Variants in DAPK2 observed in about 807,000 individuals in gnomAD.
The protein encoded by DAPK2 is death associated protein kinase 2, also known as death-associated protein kinase 2.
DAPK2 carries 35 observed loss-of-function variants against 44.1 expected under a neutral mutation model. The observed-to-expected ratio is 0.79, with a 90% CI of 0.61 to 1.05. The LOEUF is 1.05. DAPK2 is among the 50% of genes least tolerant of loss of function. The probability of loss-of-function intolerance (pLI) is 0.00; values close to 1 mark genes in which losing one functional copy is unlikely to be tolerated. For synonymous variants in DAPK2, 174 were observed against 182.6 expected (o/e 0.95, Z 0.38); for missense variants, 453 against 483.2 (o/e 0.94, Z 0.59).
In DAPK2 at chr15:63,983,659, C is replaced by T. The variant is rs922516659; in HGVS notation, c.188G>A (p.Arg63Gln). 8 of 1,614,006 alleles carry T rather than the reference C, an allele frequency of 5.0e-6. No individual in the cohort carries two copies. Among genetic ancestry groups the T allele is most frequent in the African/African-American group, 2.7e-5 (2 of 75,062 alleles). ...GATCTCCTCCCGGCTCACACCGCGCCGGCTCGCCCGGCTCTGCCGCTTCTT... is the reference window on the plus strand; with the variant it reads ...GATCTCCTCCCGGCTCACACCGCGCTGGCTCGCCCGGCTCTGCCGCTTCTT... The change falls in exon 2 of 11, where the codon CGG becomes CAG. Residue 63 changes from arginine (R) to glutamine (Q), a missense_variant. Physicochemically the swap from Arg to Gln is conservative, Grantham distance 43. Coordinates refer to ENST00000261891, the Ensembl canonical transcript of DAPK2.
chr15:64,038,862 C>T (rs1316726998), intron 1 of DAPK2, among the ~76,000 whole-genome samples: 1 of 152,148 alleles, frequency 6.6e-6, no homozygotes, highest in African/African-American at 2.4e-5. Flanking sequence ...GGCAAACCTG[C>T]CTCCCATTCT....
chr15:63,956,302 T>G (rs1340271154), intron 3 of DAPK2, among the ~76,000 whole-genome samples: 1 of 152,204 alleles, frequency 6.6e-6, no homozygotes, highest in African/African-American at 2.4e-5. Flanking sequence ...ATCTCTGTTC[T>G]GATCTTTATT....
chr15:63,955,922 C>T lies in DAPK2; in HGVS notation c.453+15501G>A, dbSNP rs573477808. On this transcript the variant is annotated intron_variant, in intron 3 of 10. Transcript: ENST00000261891. ...AGAATTTAGCAGTAAAGCCATAGGG[C>T]CCCAGGCTTTTCTTTGCCAGAAAAC... Among the ~76,000 whole-genome samples the T allele has an allele frequency of 2.8e-4, 42 of 152,306 alleles. 1 individual carries two copies. The South Asian group carries it at 2.9e-3, about 11-fold the overall frequency.
At chr15:63,922,210 T>C (rs1025408587) in intron 8 of DAPK2, 6 of 879,060 alleles carry the variant, frequency 6.8e-6, no homozygotes, top group African/African-American at 1.8e-5. Context: ...AGTGAGGTCA[T>C]TTGTCAGACA....
intron 1 of DAPK2, among the ~76,000 whole-genome samples, chr15:64,006,594 C>T (rs2079237507): frequency 6.6e-6 from 1 of 152,168 alleles, no homozygotes; most frequent in Non-Finnish European, 1.5e-5. Flanking sequence ...TAAAACTTGG[C>T]AAACCTCATG....
rs777029949 is a variant in DAPK2 at position 64,028,030 on chromosome 15, G to GTATCTATCTATCTATCTATC, written c.92+12120_92+12139dup. On this transcript the variant is annotated intron_variant, in intron 1 of 10. Transcript: ENST00000261891. Reference sequence around the variant, plus strand: ...TGAAGTTAGCAGAAGTACATAAACTGTATCTATCTATCTATCTATCTATCT... The same window carrying GTATCTATCTATCTATCTATC: ...TGAAGTTAGCAGAAGTACATAAACTGTATCTATCTATCTATCTATCTATCTATCTATCTATCTATCTATCT... Among the ~76,000 whole-genome samples the GTATCTATCTATCTATCTATC allele has an allele frequency of 4.6e-3, 429 of 94,268 alleles. 3 individuals are homozygous for GTATCTATCTATCTATCTATC. Among genetic ancestry groups the GTATCTATCTATCTATCTATC allele is most frequent in the Middle Eastern group, 0.01 (2 of 196 alleles). The allele number at this position is 94,268 out of a possible 152,430, so 61.8% of individuals were successfully genotyped here. A position where few individuals can be genotyped will look rare whatever the true frequency, so the allele number is the denominator to read the frequency against.
In DAPK2 at chr15:63,971,407, T is replaced by C; in HGVS notation, c.453+16A>G. ...CTTCCTAAACTTGATTCTTTTCCCTTTCTCCCCTTACTGACCTTGAGATCA... is the reference window on the plus strand; with the variant it reads ...CTTCCTAAACTTGATTCTTTTCCCTCTCTCCCCTTACTGACCTTGAGATCA... On this transcript the variant is annotated intron_variant, in intron 3 of 10. Coordinates refer to ENST00000261891, the Ensembl canonical transcript of DAPK2. 1 of 1,613,910 alleles carries C rather than the reference T, an allele frequency of 6.2e-7. No individual in the cohort carries two copies. The highest frequency in any genetic ancestry group is 8.5e-7 in the Non-Finnish European group (1 of 1,179,852).
At chr15:64,038,173 C>T (rs571514472) in intron 1 of DAPK2, among the ~76,000 whole-genome samples, 4 of 152,308 alleles carry the variant, frequency 2.6e-5, no homozygotes, top group Non-Finnish European at 5.9e-5. Flanking sequence ...TCTCTGCCCA[C>T]CCAGACTCTA....
At chr15:63,955,972 T>C (rs766981838) in intron 3 of DAPK2, among the ~76,000 whole-genome samples, 5 of 152,200 alleles carry the variant, frequency 3.3e-5, no homozygotes, top group Non-Finnish European at 5.9e-5. Flanking sequence ...TTGATCTTCT[T>C]ACTTGTTATT....
chr15:63,941,685 T>A (rs1026194257), intron 3 of DAPK2, among the ~76,000 whole-genome samples: 5 of 152,210 alleles, frequency 3.3e-5, no homozygotes, highest in African/African-American at 1.2e-4. Context: ...GCTTTTTTAT[T>A]CTTCTTCCCC....
chr15:63,931,991 C>A (rs774659666), intron 4 of DAPK2, among the ~76,000 whole-genome samples: 14 of 151,482 alleles, frequency 9.2e-5, no homozygotes, highest in Non-Finnish European at 1.6e-4. Flanking sequence ...ATAGCGAAAT[C>A]CCATCTCTAC....
At chr15:63,946,244 C>G (rs2077446898) in intron 3 of DAPK2, among the ~76,000 whole-genome samples, 1 of 152,254 alleles carries the variant, frequency 6.6e-6, no homozygotes, top group African/African-American at 2.4e-5. Context: ...GCTGTGGTGC[C>G]GACCAGAAGG....
At chr15:63,989,470 G>A (rs569157595) in intron 1 of DAPK2, among the ~76,000 whole-genome samples, 6 of 152,288 alleles carry the variant, frequency 3.9e-5, no homozygotes, top group Non-Finnish European at 4.4e-5. Context: ...ACAGATCCAC[G>A]TCACTGACTC....
At chr15:63,930,501 A>T (rs2079512137) in intron 4 of DAPK2, 46 bp from the exon 6 acceptor site, 2 of 1,588,638 alleles carry the variant, frequency 1.3e-6, no homozygotes, top group Admixed American at 3.3e-5. Context: ...TGAAAATGAG[A>T]GGAGAGATGG....
intron 2 of DAPK2, among the ~76,000 whole-genome samples, chr15:63,979,483 G>T (rs1032930000): frequency 6.6e-6 from 1 of 152,208 alleles, no homozygotes; most frequent in Non-Finnish European, 1.5e-5. Flanking sequence ...CATAAAACCT[G>T]CAACTGGGCA....
intron 3 of DAPK2, among the ~76,000 whole-genome samples, chr15:63,962,366 C>T (rs1331383378): frequency 6.6e-6 from 1 of 152,242 alleles, no homozygotes; most frequent in Admixed American, 6.5e-5. Flanking sequence ...AAGTCATTCT[C>T]CGTCCAGCTT....
chr15:64,007,168 TCA>T (rs2079256342), intron 1 of DAPK2, among the ~76,000 whole-genome samples: 1 of 152,038 alleles, frequency 6.6e-6, no homozygotes, highest in Non-Finnish European at 1.5e-5. Context: ...TCTCACTATG[TCA>T]TCCTGGCTGG....
intron 3 of DAPK2, 85 bp downstream of exon 4, chr15:63,971,338 C>G: frequency 6.5e-7 from 1 of 1,532,354 alleles, no homozygotes; most frequent in South Asian, 1.2e-5. Flanking sequence ...CTGGTCGGCA[C>G]TGGGCCCATC....
intron 8 of DAPK2, among the ~76,000 whole-genome samples, chr15:63,913,041 A>T (rs1209954866): frequency 1.3e-5 from 2 of 152,176 alleles, no homozygotes. Flanking sequence ...ATTGAGTCCA[A>T]TACATTTTAC....
Sources: allele counts gnomAD v4.1 joint callset (sites outside exome capture counted in the v4.1 genomes callset), GRCh38; gene constraint gnomAD v4.1.1; transcripts MANE v1.5; gene names NCBI Gene and HGNC (gene_info 2026-07-23, HGNC 2026-07-21).